The following COX7B2 variants were observed in gnomAD, a reference collection of about 807,000 sequenced individuals.
COX7B2 encodes the protein cytochrome c oxidase subunit 7B2, mitochondrial.
For synonymous variants in COX7B2, 37 were observed against 32.1 expected, an observed-to-expected ratio of 1.15 and a Z score of -0.51; for missense variants, 109 against 95.9, an observed-to-expected ratio of 1.14 and a Z score of -0.57.
At chr4:46,883,381 A>T (rs1423503203) in intron 1 of COX7B2, among the ~76,000 whole-genome samples, 1 of 150,782 alleles carries the variant, frequency 6.6e-6, no homozygotes, top group Non-Finnish European at 1.5e-5. Context: ...CCCTTTCTGT[A>T]TTTTTTTTTA....
intron 2 of COX7B2, among the ~76,000 whole-genome samples, chr4:46,767,444 A>G (rs1363623986): frequency 6.6e-6 from 1 of 152,236 alleles, no homozygotes; most frequent in Non-Finnish European, 1.5e-5. Context: ...ACAATGGATC[A>G]TCCAAACATA....
intron 2 of COX7B2, among the ~76,000 whole-genome samples, chr4:46,765,764 A>C (rs1176407884): frequency 4.0e-5 from 6 of 151,796 alleles, no homozygotes; most frequent in Admixed American, 3.9e-4. Flanking sequence ...ACCACAACTG[A>C]GTCCCCAGGC....
chr4:46,901,664 C>T (rs2109896689), intron 1 of COX7B2, among the ~76,000 whole-genome samples: 1 of 152,302 alleles, frequency 6.6e-6, no homozygotes, highest in African/African-American at 2.4e-5. Flanking sequence ...TAAAGCTGCA[C>T]CCTCACTAAT....
At chr4:46,796,417 G>A (rs1204908600) in intron 2 of COX7B2, among the ~76,000 whole-genome samples, 4 of 143,464 alleles carry the variant, frequency 2.8e-5, no homozygotes, top group Non-Finnish European at 4.5e-5. Flanking sequence ...GGTTAGAATG[G>A]CAATCATTAA....
intron 1 of COX7B2, among the ~76,000 whole-genome samples, chr4:46,902,086 C>A (rs1333116619): frequency 2.0e-5 from 3 of 152,128 alleles, no homozygotes; most frequent in African/African-American, 7.2e-5. Flanking sequence ...GAGAACCCTG[C>A]CTAATACATC....
intron 1 of COX7B2, among the ~76,000 whole-genome samples, chr4:46,864,600 T>A (rs368348624): frequency 6.6e-6 from 1 of 152,160 alleles, no homozygotes; most frequent in Non-Finnish European, 1.5e-5. Context: ...CCTATTCTTA[T>A]CAGGCCAGTC....
chr4:46,756,982 A>G (rs1715840875), intron 2 of COX7B2, among the ~76,000 whole-genome samples: 1 of 152,122 alleles, frequency 6.6e-6, no homozygotes, highest in African/African-American at 2.4e-5. Context: ...AGATACCTAC[A>G]TCTGTACATT....
At position 46,822,067 on chromosome 4, in the gene COX7B2, A is replaced by C. The variant is rs897276909; in HGVS notation, c.-50+22893T>G. On this transcript the variant is annotated intron_variant, in intron 2 of 2. Transcript: ENST00000355591. The stretch of plus-strand genomic sequence containing the variant: ...GCTGGGACTATAGGCGCATGCCACC[A>C]CACTGGGCTAATTTTTGTATTTTTT... Among the ~76,000 whole-genome samples the C allele has an allele frequency of 3.3e-5, 5 of 152,142 alleles. No homozygotes were observed. The East Asian group carries it at 9.6e-4, about 29-fold the overall frequency.
At chr4:46,790,818 TGA>T (rs2109584273) in intron 2 of COX7B2, among the ~76,000 whole-genome samples, 1 of 152,294 alleles carries the variant, frequency 6.6e-6, no homozygotes, top group South Asian at 2.1e-4. Context: ...CTCCTAATTT[TGA>T]TAATACCTGA....
chr4:46,755,559 A>G (rs780693071), intron 2 of COX7B2, among the ~76,000 whole-genome samples: 1 of 152,150 alleles, frequency 6.6e-6, no homozygotes, highest in Non-Finnish European at 1.5e-5. Flanking sequence ...TAATATATCT[A>G]GAAAATCCTA....
At chr4:46,763,922 C>T (rs1252273327) in intron 2 of COX7B2, among the ~76,000 whole-genome samples, 2 of 152,030 alleles carry the variant, frequency 1.3e-5, no homozygotes, top group Non-Finnish European at 2.9e-5. Context: ...GTTCATGTAG[C>T]CTGAATATAA....
intron 1 of COX7B2, among the ~76,000 whole-genome samples, chr4:46,898,919 G>C (rs1374329875): frequency 6.6e-6 from 1 of 152,098 alleles, no homozygotes; most frequent in East Asian, 1.9e-4. Flanking sequence ...AATGAACACA[G>C]TGTACCATAA....
chr4:46,834,508 C>T (rs554669979), intron 2 of COX7B2, among the ~76,000 whole-genome samples: 121 of 151,908 alleles, frequency 8.0e-4, no homozygotes, highest in African/African-American at 2.1e-3. Context: ...AGCAAATTCA[C>T]GTAAAAAAAT....
intron 2 of COX7B2, among the ~76,000 whole-genome samples, chr4:46,844,729 T>C (rs1716153781): frequency 6.6e-6 from 1 of 152,066 alleles, no homozygotes; most frequent in African/African-American, 2.4e-5. Flanking sequence ...TTACTGCTGA[T>C]AAAAAATATT....
chr4:46,879,391 C>T (rs1462034983), intron 1 of COX7B2, among the ~76,000 whole-genome samples: 6 of 151,758 alleles, frequency 4.0e-5, no homozygotes, highest in Non-Finnish European at 5.9e-5. Context: ...GATCACGGCT[C>T]GCTGCCCTGC....
intron 1 of COX7B2, among the ~76,000 whole-genome samples, chr4:46,884,906 C>A (rs1015417267): frequency 2.0e-5 from 3 of 151,188 alleles, no homozygotes; most frequent in Non-Finnish European, 2.9e-5. Context: ...ATTATGCTAG[C>A]ATTTTTATTG....
At chr4:46,735,330 G>C (rs1343509467) in intron 2 of COX7B2, 89 bp from the exon 3 acceptor site, 2 of 954,726 alleles carry the variant, frequency 2.1e-6, no homozygotes, top group East Asian at 5.2e-5. Flanking sequence ...CCCTTGGAGT[G>C]GTGTTCAGGA....
chr4:46,749,830 C>T (rs76905420), intron 2 of COX7B2, among the ~76,000 whole-genome samples: 2,081 of 152,250 alleles, frequency 0.014, 26 homozygotes, highest in Non-Finnish European at 0.019. Flanking sequence ...AAGTATAGCA[C>T]TCTAACACAC....
chr4:46,808,909 G>A (rs1719145429), intron 2 of COX7B2, among the ~76,000 whole-genome samples: 1 of 151,818 alleles, frequency 6.6e-6, no homozygotes, highest in Admixed American at 6.6e-5. Flanking sequence ...TCTTTTTGAT[G>A]TGTTGCTGGA....
Sources: allele counts gnomAD v4.1 joint callset (sites outside exome capture counted in the v4.1 genomes callset), GRCh38; gene constraint gnomAD v4.1.1; transcripts MANE v1.5; gene names NCBI Gene and HGNC (gene_info 2026-07-23, HGNC 2026-07-21).